Variants in CSRNP3 observed in about 807,000 individuals in gnomAD.
CSRNP3 encodes cysteine/serine-rich nuclear protein 3.
CSRNP3 carries 12 observed loss-of-function variants against 48.0 expected under a neutral mutation model. The ratio of observed to expected loss-of-function variants is 0.25; its 90% confidence interval spans 0.16 to 0.41. CSRNP3 has a LOEUF of 0.41. Ranked by LOEUF, CSRNP3 falls within the 10% of genes least tolerant of loss-of-function variation. CSRNP3 has a pLI of 1.00. For missense variants in CSRNP3, 580 were observed against 724.4 expected, an observed-to-expected ratio of 0.80 and a Z score of 2.29; for synonymous variants, 263 against 269.7, an observed-to-expected ratio of 0.98 and a Z score of 0.24.
intron 3 of CSRNP3, among the ~76,000 whole-genome samples, chr2:165,592,535 G>A (rs1169496621): frequency 1.3e-5 from 2 of 152,096 alleles, no homozygotes; most frequent in Non-Finnish European, 2.9e-5. Context: ...ATCTTGAATT[G>A]TAGTTCCCAT....
At chr2:165,607,084 A>G (rs1454127780) in intron 4 of CSRNP3, among the ~76,000 whole-genome samples, 1 of 152,140 alleles carries the variant, frequency 6.6e-6, no homozygotes, top group Non-Finnish European at 1.5e-5. Context: ...GTTTTTAAAT[A>G]TGTTTTATAT....
chr2:165,629,492 A>G (rs1200572286), intron 4 of CSRNP3, among the ~76,000 whole-genome samples: 4 of 152,160 alleles, frequency 2.6e-5, no homozygotes, highest in Non-Finnish European at 5.9e-5. Context: ...TCAAAACGCT[A>G]TGAATCCAGG....
At chr2:165,667,051 AAAGG>A (rs1351605602) in intron 5 of CSRNP3, among the ~76,000 whole-genome samples, 3 of 8,768 alleles carry the variant, frequency 3.4e-4, no homozygotes, top group African/African-American at 1.1e-3. Flanking sequence ...AGAGAGAGAG[AAAGG>A]AAGGAAGGAA....
chr2:165,516,394 C>T lies in CSRNP3; in HGVS notation c.-112-1479C>T, dbSNP rs557864976. On this transcript the variant is annotated intron_variant, in intron 2 of 6. Transcript: ENST00000651982. ...ATTTAAAATTATACCTAAAATTGTACGGCAAGGTGACTATAGTTAATGATG... is the reference window on the plus strand; with the variant it reads ...ATTTAAAATTATACCTAAAATTGTATGGCAAGGTGACTATAGTTAATGATG... 1.4e-4 allele frequency among the ~76,000 whole-genome samples: 21 copies of T among 152,062 alleles called. No individual in the cohort carries two copies. In the South Asian group the frequency reaches 2.3e-3, roughly 17 times the overall value.
chr2:165,634,477 C>T (rs1326886399), intron 4 of CSRNP3, among the ~76,000 whole-genome samples: 1 of 152,318 alleles, frequency 6.6e-6, no homozygotes, highest in East Asian at 1.9e-4. Context: ...GCGAAGGGCC[C>T]TGTTCTTACA....
At chr2:165,666,685 GT>G (rs1469470524) in intron 5 of CSRNP3, among the ~76,000 whole-genome samples, 1 of 54,268 alleles carries the variant, frequency 1.8e-5, no homozygotes, top group African/African-American at 6.5e-5. Flanking sequence ...GAAAGAGAGA[GT>G]GGTGTTAAGA....
intron 5 of CSRNP3, among the ~76,000 whole-genome samples, chr2:165,667,022 G>GAGAGAGGAAGAAAGAA (rs1687237605): frequency 3.4e-5 from 1 of 29,666 alleles, no homozygotes; most frequent in Non-Finnish European, 1.1e-4. Flanking sequence ...AGGAAGGAAA[G>GAGAGAGGAAGAAAGAA]AGAGAGAGGA....
intron 4 of CSRNP3, among the ~76,000 whole-genome samples, chr2:165,635,609 C>A (rs1686614604): frequency 1.3e-5 from 2 of 152,144 alleles, no homozygotes; most frequent in South Asian, 4.1e-4. Flanking sequence ...TGTCGATACC[C>A]TATTTTATTT....
At position 165,685,250 on chromosome 2, in the gene CSRNP3, C is replaced by T. The variant is rs1275196104; in HGVS notation, c.*5497C>T. Reference sequence around the variant, plus strand: ...TCACTTCTAAATTTTATTTTGACTCCTTTCTTGGCTTTTTCAAACTGGACC... The same window carrying T: ...TCACTTCTAAATTTTATTTTGACTCTTTTCTTGGCTTTTTCAAACTGGACC... On this transcript the variant is annotated 3_prime_UTR_variant, in exon 7 of 7. Coordinates refer to ENST00000651982, the MANE Select transcript of CSRNP3 (RefSeq NM_001172173.2). 1.3e-5 allele frequency: 2 copies of T among 151,944 alleles called. No individual in the cohort carries two copies. Among genetic ancestry groups the T allele is most frequent in the African/African-American group, 2.4e-5 (1 of 41,396 alleles). The allele number at this position is 151,944 out of a possible 1,614,324, so 9.4% of individuals were successfully genotyped here. A position where few individuals can be genotyped will look rare whatever the true frequency, so the allele number is the denominator to read the frequency against.
chr2:165,626,579 T>G (rs73029889), intron 4 of CSRNP3, among the ~76,000 whole-genome samples: 9,933 of 152,234 alleles, frequency 0.065, 499 homozygotes, highest in African/African-American at 0.14. Flanking sequence ...TCTAAAAGCT[T>G]ACTGTTTTGC....
chr2:165,503,198 C>A (rs764883258), intron 2 of CSRNP3, among the ~76,000 whole-genome samples: 22 of 151,762 alleles, frequency 1.4e-4, no homozygotes, highest in Non-Finnish European at 2.8e-4. Flanking sequence ...AATAATTGCT[C>A]CTAGGATTTT....
chr2:165,667,129 AAGAAAG>A (rs1687247509), intron 5 of CSRNP3, among the ~76,000 whole-genome samples: 1 of 151,352 alleles, frequency 6.6e-6, no homozygotes, highest in Admixed American at 6.6e-5. Flanking sequence ...GAGAGAAAGA[AAGAAAG>A]AGAGAGAGAA....
At chr2:165,535,812 A>G (rs966357722) in intron 3 of CSRNP3, among the ~76,000 whole-genome samples, 4 of 151,876 alleles carry the variant, frequency 2.6e-5, no homozygotes, top group African/African-American at 9.7e-5. Context: ...TAAATTAAGT[A>G]TGGTGAGGCT....
chr2:165,636,686 CAT>C (rs1385814866), intron 4 of CSRNP3, among the ~76,000 whole-genome samples: 1 of 152,158 alleles, frequency 6.6e-6, no homozygotes, highest in East Asian at 1.9e-4. Flanking sequence ...ATATGTAAGT[CAT>C]ATGCATATTT....
intron 4 of CSRNP3, 55 bp from the exon 5 acceptor site, chr2:165,657,706 C>G: frequency 6.3e-7 from 1 of 1,590,266 alleles, no homozygotes; most frequent in East Asian, 2.3e-5. Context: ...TTTTCTTGGC[C>G]TTGTCTGAAA....
intron 3 of CSRNP3, among the ~76,000 whole-genome samples, chr2:165,540,951 C>A (rs1684948570): frequency 1.3e-5 from 2 of 151,958 alleles, no homozygotes; most frequent in Admixed American, 6.6e-5. Flanking sequence ...TTGTAAAAAT[C>A]AAATATTTTT....
intron 4 of CSRNP3, among the ~76,000 whole-genome samples, chr2:165,656,535 T>G (rs1234283491): frequency 6.6e-6 from 1 of 152,212 alleles, no homozygotes; most frequent in Non-Finnish European, 1.5e-5. Flanking sequence ...ATATAATTTT[T>G]ATTTGTCAAT....
intron 5 of CSRNP3, among the ~76,000 whole-genome samples, chr2:165,671,469 C>T (rs1687329702): frequency 2.6e-5 from 4 of 152,216 alleles, no homozygotes; most frequent in Non-Finnish European, 4.4e-5. Flanking sequence ...GGGGCTTGCA[C>T]CCTCTGAAGC....
chr2:165,650,277 G>T (rs1356606968), intron 4 of CSRNP3, among the ~76,000 whole-genome samples: 1 of 152,168 alleles, frequency 6.6e-6, no homozygotes, highest in Non-Finnish European at 1.5e-5. Context: ...AACAAGGAAA[G>T]ATTGCTTTTA....
Sources: allele counts gnomAD v4.1 joint callset (sites outside exome capture counted in the v4.1 genomes callset), GRCh38; gene constraint gnomAD v4.1.1; transcripts MANE v1.5; gene names NCBI Gene and HGNC (gene_info 2026-07-23, HGNC 2026-07-21).